NOX5: variants seen among roughly 807,000 people sequenced by gnomAD.
The protein encoded by NOX5 is NADPH oxidase 5, also known as NADPH oxidase, EF-hand calcium binding domain 5.
In NOX5, 76 loss-of-function variants were observed where a neutral mutation model predicts 85.7. The ratio of observed to expected loss-of-function variants is 0.89; its 90% CI spans 0.74 to 1.07. The LOEUF is 1.07. Among genes scored for constraint, NOX5 ranks in the 50% least tolerant of loss-of-function variants. The probability of loss-of-function intolerance (pLI) is 0.00; values close to 1 mark genes in which losing one functional copy is unlikely to be tolerated. For synonymous variants in NOX5, 405 were observed against 401.4 expected (o/e 1.01, Z -0.11); for missense variants, 973 against 999.5 (o/e 0.97, Z 0.36).
intron 15 of NOX5, among the ~76,000 whole-genome samples, chr15:69,056,055 G>A (rs1008804634): frequency 2.6e-5 from 4 of 152,154 alleles, no homozygotes; most frequent in African/African-American, 4.8e-5. Flanking sequence ...TCTGTGGTGA[G>A]TGCTTGGGCA....
At position 69,062,097 on chromosome 15, in the gene NOX5, G is replaced by A. The variant is rs545248022; in HGVS notation, c.*5401G>A. ...TCTGTTTCAGCTGGTGACCCCATGA[G>A]GTACCCTTGGCTCCTCTATCTCCCC... On this transcript the variant is annotated 3_prime_UTR_variant, in exon 16 of 16. Coordinates refer to ENST00000388866, the MANE Select transcript of NOX5 (RefSeq NM_024505.4). The A allele has an allele frequency of 5.1e-4, 78 of 152,080 alleles. No homozygotes were observed. The highest frequency in any genetic ancestry group is 9.0e-4 in the Non-Finnish European group (61 of 68,028). The allele number at this position is 152,080 out of a possible 1,614,324, so 9.4% of individuals were successfully genotyped here.
At position 69,033,277 on chromosome 15, in the gene NOX5, G is replaced by T; in HGVS notation, c.855G>T (p.Ala285=). Residue 285 remains alanine, a splice_region_variant and synonymous_variant, in exon 5 of 16, where the codon GCG becomes GCT. Transcript: ENST00000388866. ...QCLNFDCSFI[A]VLMLRRCLTW... Reference sequence around the variant, plus strand: ...TCAACTTCGACTGCAGCTTCATCGCGGTAGGCTCTGCCAGCACACGGTGCT... The same window carrying T: ...TCAACTTCGACTGCAGCTTCATCGCTGTAGGCTCTGCCAGCACACGGTGCT... 6.3e-7 allele frequency: 1 copy of T among 1,593,298 alleles called. No individual in the cohort carries two copies. Among genetic ancestry groups the T allele is most frequent in the Non-Finnish European group, 8.5e-7 (1 of 1,178,006 alleles).
In NOX5 at chr15:69,033,128, C is replaced by G; in HGVS notation, c.706C>G (p.Arg236Gly). The G allele has an allele frequency of 6.4e-7, 1 of 1,564,168 alleles. No homozygotes were observed. The highest frequency in any genetic ancestry group is 1.3e-5 in the African/African-American group (1 of 74,400). The part of the protein sequence containing the change: ...QLTRAYWHNH[R>G]SQLFCLATYA... ...GACCCGCGCCTACTGGCACAACCAC[C>G]GCAGCCAGCTGTTCTGCCTGGCCAC... Residue 236 changes from arginine (R) to glycine (G), a missense_variant, in exon 5 of 16, where the codon CGC becomes GGC. Coordinates refer to ENST00000388866, the MANE Select transcript of NOX5 (RefSeq NM_024505.4).
In NOX5 at chr15:69,033,087, G is replaced by A. The variant is rs768457645; in HGVS notation, c.665G>A (p.Arg222His). Reference protein sequence around the residue: ...LTAPAPRPRPRRPRQLTRAYW... With the variant: ...LTAPAPRPRPHRPRQLTRAYW... ...GCCCCCGCCCCCCGCCCACGCCCGC[G>A]CCGGCCGCGCCAGCTGACCCGCGCC... Residue 222 changes from arginine (R) to histidine (H), a missense_variant, in exon 5 of 16, where the codon CGC becomes CAC. Physicochemically the swap from Arg to His is conservative, Grantham distance 29. Coordinates refer to ENST00000388866, the MANE Select transcript of NOX5 (RefSeq NM_024505.4). 6.5e-7 allele frequency: 1 copy of A among 1,550,198 alleles called. No individual in the cohort carries two copies. Among genetic ancestry groups the A allele is most frequent in the Non-Finnish European group, 8.6e-7 (1 of 1,156,898 alleles).
chr15:69,036,153 T>G (rs1187758679), intron 7 of NOX5, among the ~76,000 whole-genome samples: 4 of 152,194 alleles, frequency 2.6e-5, no homozygotes, highest in African/African-American at 9.7e-5. Context: ...TCTGCCTTTT[T>G]GCTGGCTTAT....
At chr15:69,028,075 G>A (rs1381089663) in intron 2 of NOX5, 140 bp from the exon 3 acceptor site, 2 of 848,466 alleles carry the variant, frequency 2.4e-6, no homozygotes, top group East Asian at 5.2e-5. Context: ...GGGTGTTCAG[G>A]CACCTGAGTT....
intron 4 of NOX5, among the ~76,000 whole-genome samples, 183 bp downstream of exon 4, chr15:69,031,995 T>C (rs1230639585): frequency 1.3e-5 from 2 of 151,690 alleles, no homozygotes; most frequent in African/African-American, 4.8e-5. Context: ...CTTCCTGCAG[T>C]GTCTCTGCAG....
Position 69,045,571 on chromosome 15 carries a change from C to CTTTCTTTCTTTCTTTCTTTCTTTCTTT in NOX5, c.1648-1251_1648-1250insTTTCTTTCTTTCTTTCTTTCTTTCTTT, listed in dbSNP as rs1567105211. 1.5e-3 allele frequency among the ~76,000 whole-genome samples: 11 copies of CTTTCTTTCTTTCTTTCTTTCTTTCTTT among 7,480 alleles called. 1 individual carries two copies. The highest frequency in any genetic ancestry group is 0.015 in the East Asian group (2 of 134). 4.9% of individuals were successfully genotyped at this position (7,480 alleles called of 152,430 possible). A position where few individuals can be genotyped will look rare whatever the true frequency, so the allele number is the denominator to read the frequency against. ...TTCTTTCTTTCTTTCTTTCTTTCTTCCCTTTCTTTCTTTTCTTTCTTTCTT... is the reference window on the plus strand; with the variant it reads ...TTCTTTCTTTCTTTCTTTCTTTCTTCTTTCTTTCTTTCTTTCTTTCTTTCTTTCCTTTCTTTCTTTTCTTTCTTTCTT... On this transcript the variant is annotated intron_variant, in intron 10 of 15. Transcript: ENST00000388866.
chr15:69,019,391 G>T (rs2140245050), intron 1 of NOX5, among the ~76,000 whole-genome samples: 1 of 152,308 alleles, frequency 6.6e-6, no homozygotes, highest in South Asian at 2.1e-4. Context: ...TCCTCTTTGT[G>T]ATATTGTACT....
chr15:69,020,084 TC>T (rs1158382312), intron 1 of NOX5, among the ~76,000 whole-genome samples: 9 of 152,246 alleles, frequency 5.9e-5, no homozygotes, highest in Non-Finnish European at 7.3e-5. Context: ...TGTTTTTGCT[TC>T]TGTCAAACCT....
At chr15:69,025,066 C>T (rs899067235) in intron 1 of NOX5, among the ~76,000 whole-genome samples, 2 of 152,184 alleles carry the variant, frequency 1.3e-5, no homozygotes, top group South Asian at 2.1e-4. Context: ...GCTGAATTAG[C>T]GAATTCAGAA....
At chr15:69,055,953 G>A (rs903915620) in intron 15 of NOX5, among the ~76,000 whole-genome samples, 20 of 152,254 alleles carry the variant, frequency 1.3e-4, no homozygotes, top group African/African-American at 3.6e-4. Flanking sequence ...CAGGGTTTGC[G>A]GTTTGCAGGA....
chr15:69,040,469 C>T (rs1331751954), intron 9 of NOX5, among the ~76,000 whole-genome samples: 3 of 152,302 alleles, frequency 2.0e-5, no homozygotes, highest in South Asian at 2.1e-4. Flanking sequence ...CATGGGCTCA[C>T]ACTACAGGCA....
Position 69,026,588 on chromosome 15 carries a change from C to A in NOX5, c.111C>A (p.Thr37=). The A allele has an allele frequency of 6.2e-7, 1 of 1,614,206 alleles. No homozygotes were observed. The highest frequency in any genetic ancestry group is 8.5e-7 in the Non-Finnish European group (1 of 1,180,026). Residue 37 remains threonine, a synonymous_variant, in exon 2 of 16, where the codon ACC becomes ACA. Transcript: ENST00000388866. ...GGTGGGTGACTCAGCAGTTTAAGACCATTGCAGGAGAAGATGGGGAGATCA... is the reference window on the plus strand; with the variant it reads ...GGTGGGTGACTCAGCAGTTTAAGACAATTGCAGGAGAAGATGGGGAGATCA... ...WLRWVTQQFK[T]IAGEDGEISL... is the part of the protein sequence containing the mutation.
At chr15:69,049,160 G>A in intron 14 of NOX5, 102 bp downstream of exon 14, 2 of 618,784 alleles carry the variant, frequency 3.2e-6, no homozygotes, top group Admixed American at 6.8e-5. Flanking sequence ...AACCTAAAAT[G>A]AACCATTTAA....
Position 69,033,068 on chromosome 15 carries a change from G to GC in NOX5, c.652dup (p.Arg218ProfsTer179). On this transcript the variant is annotated frameshift_variant, in exon 5 of 16. Coordinates refer to ENST00000388866, the MANE Select transcript of NOX5 (RefSeq NM_024505.4). LOFTEE classifies it high-confidence loss of function. ...CGCTGCCCACTGGCTGACGGCCCCC[G>GC]CCCCCCGCCCACGCCCGCGCCGGCC... 1 of 1,544,114 alleles carries GC rather than the reference G, an allele frequency of 6.5e-7. No homozygotes were observed. Among genetic ancestry groups the GC allele is most frequent in the Non-Finnish European group, 8.6e-7 (1 of 1,160,282 alleles).
chr15:69,035,548 AG>A, intron 6 of NOX5, 41 bp downstream of exon 6: 1 of 1,606,490 alleles, frequency 6.2e-7, no homozygotes, highest in South Asian at 1.1e-5. Context: ...GAGAAGCTTG[AG>A]CAGCCTCAAG....
Position 69,028,270 on chromosome 15 carries a change from T to C in NOX5, c.230T>C (p.Ile77Thr), listed in dbSNP as rs769577888. The change falls in exon 3 of 16, where the codon ATC (isoleucine) becomes ACC (threonine). Residue 77 changes from isoleucine to threonine, a missense_variant. Transcript: ENST00000388866. ...TTTGACTCCGATAGAAGTGGCACCA[T>C]CACCCTCCAGGAGCTGCAGGAGGCA... is the stretch of plus-strand genomic sequence containing the variant. ...ALFDSDRSGTITLQELQEALT... is the reference protein window; with the variant it reads ...ALFDSDRSGTTTLQELQEALT... 6.2e-7 allele frequency: 1 copy of C among 1,613,442 alleles called. No homozygotes were observed. The highest frequency in any genetic ancestry group is 8.5e-7 in the Non-Finnish European group (1 of 1,179,718).
chr15:69,051,574 C>T (rs1043193049), intron 14 of NOX5, among the ~76,000 whole-genome samples: 1 of 152,010 alleles, frequency 6.6e-6, no homozygotes, highest in African/African-American at 2.4e-5. Flanking sequence ...GAGATTTCTC[C>T]AGGTTACTCA....
Sources: gnomAD v4.1 joint callset for allele counts (sites outside exome capture counted in the v4.1 genomes callset) on GRCh38, gnomAD v4.1.1 for gene constraint, MANE v1.5 for transcripts, NCBI Gene and HGNC (gene_info 2026-07-23, HGNC 2026-07-21) for gene names.